Variants in NALF1 observed in about 807,000 individuals in gnomAD.
NALF1 encodes NALCN channel auxiliary factor 1.
Under a neutral mutation model 48.4 loss-of-function variants are expected in NALF1, and 3 were observed. The observed-to-expected ratio is 0.06, with a 90% CI of 0.03 to 0.16. The LOEUF (loss-of-function observed/expected upper bound fraction) is 0.16. Among genes scored for constraint, NALF1 ranks in the 10% least tolerant of loss-of-function variants. The pLI is 1.00. For synonymous variants in NALF1, 262 were observed against 245.7 expected (o/e 1.07, Z -0.62); for missense variants, 526 against 571.5 (o/e 0.92, Z 0.81).
At chr13:107,452,127 A>T (rs1474466925) in intron 1 of NALF1, among the ~76,000 whole-genome samples, 5 of 151,698 alleles carry the variant, frequency 3.3e-5, no homozygotes, top group Non-Finnish European at 5.9e-5. Context: ...ACTTTTATGG[A>T]TGGGTGTTTC....
chr13:107,549,294 A>G (rs1877223540), intron 1 of NALF1, among the ~76,000 whole-genome samples: 1 of 152,224 alleles, frequency 6.6e-6, no homozygotes, highest in Admixed American at 6.5e-5. Flanking sequence ...AAGGATTTAT[A>G]TACTTTTAAG....
chr13:107,431,678 A>C (rs541897928), intron 1 of NALF1, among the ~76,000 whole-genome samples: 1 of 152,296 alleles, frequency 6.6e-6, no homozygotes, highest in African/African-American at 2.4e-5. Flanking sequence ...CTATTCCAGG[A>C]CTAAGTAATG....
chr13:107,401,037 G>A (rs994826173), intron 1 of NALF1, among the ~76,000 whole-genome samples: 3 of 152,098 alleles, frequency 2.0e-5, no homozygotes, highest in African/African-American at 7.2e-5. Context: ...TCCATGGTTT[G>A]GCTTTTTGCG....
chr13:107,852,840 A>G (rs763593817), intron 1 of NALF1, among the ~76,000 whole-genome samples: 1 of 152,220 alleles, frequency 6.6e-6, no homozygotes, highest in Non-Finnish European at 1.5e-5. Context: ...AATAACCCAC[A>G]ATGGAGATAG....
At chr13:107,235,362 A>G (rs1430198806) in intron 1 of NALF1, among the ~76,000 whole-genome samples, 1 of 152,142 alleles carries the variant, frequency 6.6e-6, no homozygotes, top group African/African-American at 2.4e-5. Flanking sequence ...TTTTTTTTAA[A>G]AAAAGCCATT....
At chr13:107,485,705 A>G (rs1255138887) in intron 1 of NALF1, among the ~76,000 whole-genome samples, 1 of 152,222 alleles carries the variant, frequency 6.6e-6, no homozygotes, top group Non-Finnish European at 1.5e-5. Flanking sequence ...TTTGCTCTAC[A>G]AGAAATATAG....
intron 1 of NALF1, among the ~76,000 whole-genome samples, chr13:107,652,575 G>T (rs1880474375): frequency 6.6e-6 from 1 of 152,044 alleles, no homozygotes; most frequent in Admixed American, 6.6e-5. Context: ...AAAGGATGGT[G>T]CCCATCCCAC....
At chr13:107,286,874 T>C (rs1594104795) in intron 1 of NALF1, among the ~76,000 whole-genome samples, 1 of 152,176 alleles carries the variant, frequency 6.6e-6, no homozygotes, top group African/African-American at 2.4e-5. Context: ...AGAATGCATA[T>C]TGATGATTGC....
At chr13:107,464,453 A>G (rs117551114) in intron 1 of NALF1, among the ~76,000 whole-genome samples, 1,846 of 152,256 alleles carry the variant, frequency 0.012, 20 homozygotes, top group South Asian at 0.035. Flanking sequence ...TTACTGTACG[A>G]CTTTTATATG....
chr13:107,619,063 C>T (rs1457019651), intron 1 of NALF1, among the ~76,000 whole-genome samples: 19 of 152,300 alleles, frequency 1.2e-4, no homozygotes, highest in Admixed American at 1.2e-3. Context: ...CCACTAGCCA[C>T]GTGTGGCTAC....
At chr13:107,284,025 G>A (rs1881441923) in intron 1 of NALF1, among the ~76,000 whole-genome samples, 1 of 152,016 alleles carries the variant, frequency 6.6e-6, no homozygotes, top group African/African-American at 2.4e-5. Flanking sequence ...AAAAGTGGTG[G>A]GCATTGCTCA....
intron 1 of NALF1, among the ~76,000 whole-genome samples, chr13:107,606,290 T>TG (rs1879065660): frequency 1.2e-4 from 11 of 90,084 alleles, no homozygotes; most frequent in African/African-American, 1.6e-4. Flanking sequence ...ATGTGTGTGT[T>TG]TGTGTGTGTA....
rs747028237 is a variant in NALF1, at chr13:107,709,972, C to T, written c.915+155710G>A. ...CTCAATATAAGTTTATGCACTTGAG[C>T]CAGGAGTAGCAGTGTGCAACTCTGG... is the stretch of plus-strand genomic sequence containing the variant. On this transcript the variant is annotated intron_variant, in intron 1 of 2. Coordinates refer to ENST00000375915, the MANE Select transcript of NALF1 (RefSeq NM_001080396.3). 6.6e-5 allele frequency among the ~76,000 whole-genome samples: 10 copies of T among 152,046 alleles called. No homozygotes were observed. In the South Asian group the frequency reaches 1.2e-3, roughly 19 times the overall value.
chr13:107,320,919 G>A (rs1046094009), intron 1 of NALF1: 6 of 181,392 alleles, frequency 3.3e-5, no homozygotes, highest in East Asian at 1.2e-4. Context: ...TATCTTTCAC[G>A]CATGTTGATC....
intron 1 of NALF1, among the ~76,000 whole-genome samples, chr13:107,530,957 A>G (rs1047553695): frequency 2.0e-5 from 3 of 151,980 alleles, no homozygotes; most frequent in Non-Finnish European, 4.4e-5. Context: ...GTTATGTAAA[A>G]ACTGTTAAAG....
At chr13:107,195,838 C>T (rs1879377744) in intron 2 of NALF1, among the ~76,000 whole-genome samples, 1 of 152,156 alleles carries the variant, frequency 6.6e-6, no homozygotes, top group Non-Finnish European at 1.5e-5. Flanking sequence ...ATATTCACCA[C>T]ATTTATTCTT....
At chr13:107,277,491 T>C (rs903417370) in intron 1 of NALF1, among the ~76,000 whole-genome samples, 15 of 152,288 alleles carry the variant, frequency 9.8e-5, no homozygotes, top group Admixed American at 2.6e-4. Flanking sequence ...AATTTGGCTG[T>C]TTTAGGATAT....
At chr13:107,549,349 G>C (rs541956378) in intron 1 of NALF1, among the ~76,000 whole-genome samples, 9 of 152,172 alleles carry the variant, frequency 5.9e-5, no homozygotes, top group African/African-American at 2.2e-4. Flanking sequence ...TTTGTATATT[G>C]AATAAACCTG....
intron 1 of NALF1, among the ~76,000 whole-genome samples, chr13:107,239,396 T>C (rs965312770): frequency 6.6e-6 from 1 of 152,186 alleles, no homozygotes; most frequent in African/African-American, 2.4e-5. Flanking sequence ...TCACATGGCC[T>C]TCTCCTATAC....
Sources: allele counts gnomAD v4.1 joint callset (sites outside exome capture counted in the v4.1 genomes callset), GRCh38; gene constraint gnomAD v4.1.1; transcripts MANE v1.5; gene names NCBI Gene and HGNC (gene_info 2026-07-23, HGNC 2026-07-21).